OR5M1: variants seen among roughly 807,000 people sequenced by gnomAD.
OR5M1 encodes the protein olfactory receptor family 5 subfamily M member 1, also known as olfactory receptor 5M1.
For missense variants in OR5M1, 367 were observed against 379.5 expected (o/e 0.97, Z 0.27); for synonymous variants, 165 against 144.2 (o/e 1.14, Z -1.04).
rs936279781 is a variant in OR5M1, at chr11:56,612,157, T to A, written c.*398A>T. 1 of 154,034 alleles carries A rather than the reference T, an allele frequency of 6.5e-6. No homozygotes were observed. The highest frequency in any genetic ancestry group is 2.4e-5 in the African/African-American group (1 of 41,462). The allele number at this position is 154,034 out of a possible 1,614,324, so 9.5% of individuals were successfully genotyped here. On this transcript the variant is annotated 3_prime_UTR_variant, in exon 2 of 2. Coordinates refer to ENST00000641076, the MANE Select transcript of OR5M1 (RefSeq NM_001004740.2). ...TTGAAGTAGAAATAATTTCATTTTTTAAAAAGTGTAAAATTATCCACCCTA... is the reference window on the plus strand; with the variant it reads ...TTGAAGTAGAAATAATTTCATTTTTAAAAAAGTGTAAAATTATCCACCCTA...
chr11:56,613,931 A>G (rs959505352), intron 1 of OR5M1, among the ~76,000 whole-genome samples: 2 of 152,214 alleles, frequency 1.3e-5, no homozygotes, highest in African/African-American at 4.8e-5. Flanking sequence ...GGATAAATAA[A>G]GGAAGTCTGA....
rs1853703421 is a variant in OR5M1 at position 56,613,199 on chromosome 11, G to C, written c.304C>G (p.Leu102Val). ...ISYAGCFTQCLLFIALVITEF... is the reference protein window; with the variant it reads ...ISYAGCFTQCVLFIALVITEF... ...GTGATCACCAGGGCGATGAAGAGAA[G>C]ACACTGTGTGAAGCATCCAGCGTAG... is the stretch of plus-strand genomic sequence containing the variant. Residue 102 changes from leucine to valine, a missense_variant, in exon 2 of 2, where the codon CTT (leucine) becomes GTT (valine). Coordinates refer to ENST00000641076, the MANE Select transcript of OR5M1 (RefSeq NM_001004740.2). 1.2e-6 allele frequency: 2 copies of C among 1,613,692 alleles called. No individual in the cohort carries two copies. Among genetic ancestry groups the C allele is most frequent in the Non-Finnish European group, 1.7e-6 (2 of 1,179,774 alleles).
Position 56,613,323 on chromosome 11 carries a change from A to T in OR5M1, c.180T>A (p.Tyr60Ter). ...CAAAGGAGAGGTGGCCAAGGAAGAA[A>T]TACATGGGTGTTTGCAGGTGGGAAT... ...RTNSHLQTPM[Y>*]FFLGHLSFVD... The change falls in exon 2 of 2, where the codon TAT becomes TAA. Residue 60 changes from tyrosine (Y) to a stop codon, truncating the protein, a stop_gained. Coordinates refer to ENST00000641076, the MANE Select transcript of OR5M1 (RefSeq NM_001004740.2). LOFTEE classifies it low-confidence loss of function (END_TRUNC). 1 of 1,613,722 alleles carries T rather than the reference A, an allele frequency of 6.2e-7. No homozygotes were observed. The highest frequency in any genetic ancestry group is 8.5e-7 in the Non-Finnish European group (1 of 1,179,682).
rs964347757 is a variant in OR5M1, at chr11:56,609,902, C to T, written c.*2653G>A. 1 of 151,878 alleles carries T rather than the reference C, an allele frequency of 6.6e-6. No homozygotes were observed. Among genetic ancestry groups the T allele is most frequent in the African/African-American group, 2.4e-5 (1 of 41,406 alleles). 9.4% of individuals were successfully genotyped at this position (151,878 alleles called of 1,614,324 possible). ...ATTGTATTAAGGTCATATGATCTAACTATTATATGACATTCAACATGATGT... is the reference window on the plus strand; with the variant it reads ...ATTGTATTAAGGTCATATGATCTAATTATTATATGACATTCAACATGATGT... On this transcript the variant is annotated 3_prime_UTR_variant, in exon 2 of 2. Coordinates refer to ENST00000641076, the MANE Select transcript of OR5M1 (RefSeq NM_001004740.2).
rs1853699264 is a variant in OR5M1, at chr11:56,612,987, AAGGG to A, written c.512_515del (p.Ser171LeufsTer30). On this transcript the variant is annotated frameshift_variant, in exon 2 of 2. Transcript: ENST00000641076. LOFTEE classifies it low-confidence loss of function (END_TRUNC). ...CAGCGCAGTAGAAATGATTGATTTCAAGGGAGCCACAGAAGGATAAGTGAAAGGT... is the reference window on the plus strand; with the variant it reads ...CAGCGCAGTAGAAATGATTGATTTCAAGCCACAGAAGGATAAGTGAAAGGT... 1 of 1,613,742 alleles carries A rather than the reference AAGGG, an allele frequency of 6.2e-7. No individual in the cohort carries two copies. Among genetic ancestry groups the A allele is most frequent in the Non-Finnish European group, 8.5e-7 (1 of 1,179,832 alleles).
rs1394566482 is a variant in OR5M1, at chr11:56,613,263, A to T, written c.240T>A (p.Asn80Lys). ...DICYSSNVTPNMLHNFLSEQK... is the reference protein window; with the variant it reads ...DICYSSNVTPKMLHNFLSEQK... ...GTTCTGAGAGGAAATTGTGCAGCAT[A>T]TTTGGAGTAACATTGGAAGAATAGC... is the stretch of plus-strand genomic sequence containing the variant. Residue 80 changes from asparagine to lysine, a missense_variant, in exon 2 of 2, where the codon AAT becomes AAA. Transcript: ENST00000641076. The T allele has an allele frequency of 3.1e-6, 5 of 1,613,754 alleles. No homozygotes were observed. Among genetic ancestry groups the T allele is most frequent in the Non-Finnish European group, 4.2e-6 (5 of 1,179,678 alleles).
chr11:56,610,180 G>C lies in OR5M1; in HGVS notation c.*2375C>G, dbSNP rs1853657607. The C allele has an allele frequency of 6.6e-6, 1 of 151,968 alleles. No homozygotes were observed. The highest frequency in any genetic ancestry group is 6.6e-5 in the Admixed American group (1 of 15,236). 9.4% of individuals were successfully genotyped at this position (151,968 alleles called of 1,614,324 possible). A position where few individuals can be genotyped will look rare whatever the true frequency, so the allele number is the denominator to read the frequency against. On this transcript the variant is annotated 3_prime_UTR_variant, in exon 2 of 2. Transcript: ENST00000641076. ...GTAATTAATTAATATGAATATGTAT[G>C]CCTTTGCGACTGGGAAAATATATTA...
In OR5M1 at chr11:56,613,261, A is replaced by C. The variant is rs1853705195; in HGVS notation, c.242T>G (p.Met81Arg). ...CTGTTCTGAGAGGAAATTGTGCAGC[A>C]TATTTGGAGTAACATTGGAAGAATA... ...ICYSSNVTPNMLHNFLSEQKT... is the reference protein window; with the variant it reads ...ICYSSNVTPNRLHNFLSEQKT... The change falls in exon 2 of 2, where the codon ATG becomes AGG. Residue 81 changes from methionine (M) to arginine (R), a missense_variant. By Grantham distance (91) the Met-to-Arg change is moderately conservative (BLOSUM62 -1). Transcript: ENST00000641076. 1.2e-6 allele frequency: 2 copies of C among 1,613,744 alleles called. No homozygotes were observed. The highest frequency in any genetic ancestry group is 1.7e-6 in the Non-Finnish European group (2 of 1,179,680).
rs570317620 is a variant in OR5M1 at position 56,610,768 on chromosome 11, G to A, written c.*1787C>T. On this transcript the variant is annotated 3_prime_UTR_variant, in exon 2 of 2. Coordinates refer to ENST00000641076, the MANE Select transcript of OR5M1 (RefSeq NM_001004740.2). ...GACTTTTACCCAAAGACATGCAGAA[G>A]GAAAAAATTAAATCACAAATAGAAA... is the stretch of plus-strand genomic sequence containing the variant. 7 of 151,632 alleles carry A rather than the reference G, an allele frequency of 4.6e-5. No homozygotes were observed. In the South Asian group the frequency reaches 1.3e-3, roughly 27 times the overall value. The allele number at this position is 151,632 out of a possible 1,614,324, so 9.4% of individuals were successfully genotyped here.
chr11:56,612,766 G>T lies in OR5M1; in HGVS notation c.737C>A (p.Thr246Lys), dbSNP rs566480800. ...KAFSTCASHL[T>K]IVTLFYGTLF... ...GGTTCCATAAAACAAAGTGACTATTGTCAGGTGGGAAGCACACGTAGAAAA... is the reference window on the plus strand; with the variant it reads ...GGTTCCATAAAACAAAGTGACTATTTTCAGGTGGGAAGCACACGTAGAAAA... The change falls in exon 2 of 2, where the codon ACA becomes AAA. Residue 246 changes from threonine (T) to lysine (K), a missense_variant. By Grantham distance (78) the Thr-to-Lys change is moderately conservative. Coordinates refer to ENST00000641076, the MANE Select transcript of OR5M1 (RefSeq NM_001004740.2). 1.9e-6 allele frequency: 3 copies of T among 1,613,676 alleles called. No individual in the cohort carries two copies. Among genetic ancestry groups the T allele is most frequent in the African/African-American group, 2.7e-5 (2 of 74,996 alleles).
chr11:56,609,710 C>T lies in OR5M1; in HGVS notation c.*2845G>A, dbSNP rs1446116174. ...CATCAGTCATAAAAACACTAAGATA[C>T]ATTGATATGATGGAATCATGGTTTG... On this transcript the variant is annotated 3_prime_UTR_variant, in exon 2 of 2. Coordinates refer to ENST00000641076, the MANE Select transcript of OR5M1 (RefSeq NM_001004740.2). 2 of 151,902 alleles carry T rather than the reference C, an allele frequency of 1.3e-5. No homozygotes were observed. Among genetic ancestry groups the T allele is most frequent in the East Asian group, 1.9e-4 (1 of 5,202 alleles). The allele number at this position is 151,902 out of a possible 1,614,324, so 9.4% of individuals were successfully genotyped here.
At position 56,612,606 on chromosome 11, in the gene OR5M1, A is replaced by G. The variant is rs1853692502; in HGVS notation, c.897T>C (p.Leu299=). 1.2e-6 allele frequency: 2 copies of G among 1,607,098 alleles called. No homozygotes were observed. The highest frequency in any genetic ancestry group is 1.7e-6 in the Non-Finnish European group (2 of 1,178,464). The change falls in exon 2 of 2, where the codon CTT becomes CTC. Residue 299 remains leucine, a synonymous_variant. Coordinates refer to ENST00000641076, the MANE Select transcript of OR5M1 (RefSeq NM_001004740.2). ...IYSLRNTDVI[L]AMQQMIRGKS... ...TTCCCCTAATCATTTGTTGCATGGC[A>G]AGGATTACATCTGTGTTCCGTAGGC...
intron 1 of OR5M1, among the ~76,000 whole-genome samples, chr11:56,614,433 A>G (rs976788433): frequency 1.3e-5 from 2 of 152,178 alleles, no homozygotes; most frequent in African/African-American, 4.8e-5. Flanking sequence ...ATGCAATTCT[A>G]CTATTTGGGG....
In OR5M1 at chr11:56,609,853, T is replaced by C. The variant is rs1050106008; in HGVS notation, c.*2702A>G. 6.6e-6 allele frequency: 1 copy of C among 152,058 alleles called. No individual in the cohort carries two copies. The highest frequency in any genetic ancestry group is 2.4e-5 in the African/African-American group (1 of 41,464). 9.4% of individuals were successfully genotyped at this position (152,058 alleles called of 1,614,324 possible). On this transcript the variant is annotated 3_prime_UTR_variant, in exon 2 of 2. Transcript: ENST00000641076. ...TGTATGTCAATATGGTTCAGTCAGT[T>C]TTCTACAATTGATATGTATTATTAT...
rs1489022358 is a variant in OR5M1, at chr11:56,613,243, G to T, written c.260C>A (p.Ser87Ter). ...AGCGTAGGAGATGGTCTTCTGTTCTGAGAGGAAATTGTGCAGCATATTTGG... is the reference window on the plus strand; with the variant it reads ...AGCGTAGGAGATGGTCTTCTGTTCTTAGAGGAAATTGTGCAGCATATTTGG... ...VTPNMLHNFLSEQKTISYAGC... is the reference protein window; with the variant it reads ...VTPNMLHNFL The change falls in exon 2 of 2, where the codon TCA (serine) becomes TAA (stop). Residue 87 changes from serine to a stop codon, truncating the protein, a stop_gained. Transcript: ENST00000641076. LOFTEE classifies it low-confidence loss of function (END_TRUNC). 7 of 1,613,620 alleles carry T rather than the reference G, an allele frequency of 4.3e-6. No homozygotes were observed. Among genetic ancestry groups the T allele is most frequent in the Non-Finnish European group, 2.5e-6 (3 of 1,179,712 alleles).
rs1445960886 is a variant in OR5M1, at chr11:56,611,972, T to A, written c.*583A>T. On this transcript the variant is annotated 3_prime_UTR_variant, in exon 2 of 2. Coordinates refer to ENST00000641076, the MANE Select transcript of OR5M1 (RefSeq NM_001004740.2). ...CAGAATCAAGGACGATAACCAGTATTATCATATGAACAAAAAAGAAGCTTC... is the reference window on the plus strand; with the variant it reads ...CAGAATCAAGGACGATAACCAGTATAATCATATGAACAAAAAAGAAGCTTC... 6.6e-6 allele frequency: 1 copy of A among 152,126 alleles called. No homozygotes were observed. Among genetic ancestry groups the A allele is most frequent in the Non-Finnish European group, 1.5e-5 (1 of 68,038 alleles). 9.4% of individuals were successfully genotyped at this position (152,126 alleles called of 1,614,324 possible).
chr11:56,614,082 T>C (rs1315419845), intron 1 of OR5M1, among the ~76,000 whole-genome samples: 1 of 152,238 alleles, frequency 6.6e-6, no homozygotes, highest in East Asian at 1.9e-4. Context: ...AATTAATTTC[T>C]ATCTGATATA....
rs1853653980 is a variant in OR5M1 at position 56,609,867 on chromosome 11, A to G, written c.*2688T>C. 6.6e-6 allele frequency: 1 copy of G among 151,984 alleles called. No homozygotes were observed. Among genetic ancestry groups the G allele is most frequent in the Non-Finnish European group, 1.5e-5 (1 of 67,888 alleles). The allele number at this position is 151,984 out of a possible 1,614,324, so 9.4% of individuals were successfully genotyped here. ...GTTCAGTCAGTTTTCTACAATTGAT[A>G]TGTATTATTATTGTATTAAGGTCAT... On this transcript the variant is annotated 3_prime_UTR_variant, in exon 2 of 2. Transcript: ENST00000641076.
intron 1 of OR5M1, among the ~76,000 whole-genome samples, chr11:56,614,633 G>T (rs1218879861): frequency 6.6e-6 from 1 of 152,030 alleles, no homozygotes; most frequent in Non-Finnish European, 1.5e-5. Flanking sequence ...TAAAGCCATT[G>T]TTTATTTAGT....
Sources: gnomAD v4.1 joint callset for allele counts (sites outside exome capture counted in the v4.1 genomes callset) on GRCh38, gnomAD v4.1.1 for gene constraint, MANE v1.5 for transcripts, NCBI Gene and HGNC (gene_info 2026-07-23, HGNC 2026-07-21) for gene names.